The following MEF2A variants were observed in gnomAD, a reference collection of about 807,000 sequenced individuals.
MEF2A encodes myocyte enhancer factor 2A.
MEF2A carries 28 observed loss-of-function variants against 55.8 expected under a neutral mutation model. That is an observed-to-expected ratio of 0.50 (90% CI 0.37 to 0.69). MEF2A has a LOEUF of 0.69. Ranked by LOEUF, MEF2A falls within the 30% of genes least tolerant of loss-of-function variation. The pLI, the probability that MEF2A is intolerant of heterozygous loss-of-function variation, is 0.00. For missense variants in MEF2A, 528 were observed against 626.2 expected (o/e 0.84, Z 1.67); for synonymous variants, 239 against 227.1 (o/e 1.05, Z -0.47).
rs55855939 is a variant in MEF2A at position 99,666,578 on chromosome 15, TATAATA to T, written c.259-4716_259-4711del. Among the ~76,000 whole-genome samples, 884 of 141,252 alleles carry T rather than the reference TATAATA, an allele frequency of 6.3e-3. 6 individuals carry two copies. Among genetic ancestry groups the T allele is most frequent in the African/African-American group, 0.013 (493 of 39,054 alleles). The allele number at this position is 141,252 out of a possible 152,430, so 92.7% of individuals were successfully genotyped here. A position where few individuals can be genotyped will look rare whatever the true frequency, so the allele number is the denominator to read the frequency against. On this transcript the variant is annotated intron_variant, in intron 4 of 11. Coordinates refer to ENST00000557942, the MANE Select transcript of MEF2A (RefSeq NM_001319206.4). Reference sequence around the variant, plus strand: ...TGCACATGTATCCCAGAACTTAAAGTATAATAATAATAATAATAATAATAATAATAA... The same window carrying T: ...TGCACATGTATCCCAGAACTTAAAGTATAATAATAATAATAATAATAATAA...
At chr15:99,669,150 A>G (rs1008107740) in intron 4 of MEF2A, among the ~76,000 whole-genome samples, 1 of 152,250 alleles carries the variant, frequency 6.6e-6, no homozygotes, top group African/African-American at 2.4e-5. Context: ...AAATGTGGTC[A>G]AAGAGATATA....
intron 8 of MEF2A, 142 bp from the exon 9 acceptor site, chr15:99,703,220 T>C: frequency 1.5e-6 from 1 of 658,096 alleles, no homozygotes; most frequent in South Asian, 1.9e-5. Context: ...AATTTATATT[T>C]CTATCTGTTG....
intron 8 of MEF2A, among the ~76,000 whole-genome samples, chr15:99,701,006 C>T (rs990944128): frequency 6.6e-6 from 1 of 152,172 alleles, no homozygotes; most frequent in Non-Finnish European, 1.5e-5. Context: ...TAGAACACCA[C>T]AGTACAATGG....
chr15:99,613,648 A>G (rs1217681420), intron 2 of MEF2A, among the ~76,000 whole-genome samples: 2 of 152,198 alleles, frequency 1.3e-5, no homozygotes, highest in East Asian at 3.8e-4. Flanking sequence ...CCTGGAAGGC[A>G]GGGAAAGGTT....
chr15:99,693,814 A>G (rs2055958532), intron 8 of MEF2A, among the ~76,000 whole-genome samples: 1 of 152,250 alleles, frequency 6.6e-6, no homozygotes, highest in African/African-American at 2.4e-5. Flanking sequence ...TGGAAATGGA[A>G]TAAATGAAGA....
At chr15:99,669,507 A>T (rs2050436204) in intron 4 of MEF2A, among the ~76,000 whole-genome samples, 1 of 152,218 alleles carries the variant, frequency 6.6e-6, no homozygotes. Context: ...CAACAACAGG[A>T]CCTTTTATGG....
At chr15:99,569,196 A>G (rs997655895) in intron 1 of MEF2A, among the ~76,000 whole-genome samples, 1 of 152,234 alleles carries the variant, frequency 6.6e-6, no homozygotes, top group Non-Finnish European at 1.5e-5. Context: ...ATGAGATAGA[A>G]TTACACTACC....
At chr15:99,616,114 A>G (rs1431938544) in intron 2 of MEF2A, among the ~76,000 whole-genome samples, 1 of 152,228 alleles carries the variant, frequency 6.6e-6, no homozygotes, top group Non-Finnish European at 1.5e-5. Flanking sequence ...ATTAGATCTC[A>G]ATGTTTAAAA....
At chr15:99,634,918 T>G (rs1469883480) in intron 3 of MEF2A, among the ~76,000 whole-genome samples, 1 of 152,224 alleles carries the variant, frequency 6.6e-6, no homozygotes, top group Non-Finnish European at 1.5e-5. Context: ...CAGGTTAAAT[T>G]AGACACAGAA....
At chr15:99,635,364 G>A (rs2043606865) in intron 3 of MEF2A, among the ~76,000 whole-genome samples, 2 of 152,196 alleles carry the variant, frequency 1.3e-5, no homozygotes, top group African/African-American at 4.8e-5. Context: ...CAGTATCATA[G>A]ACTTAAAGAG....
intron 5 of MEF2A, among the ~76,000 whole-genome samples, chr15:99,672,884 T>C (rs2051149879): frequency 6.6e-6 from 1 of 152,228 alleles, no homozygotes; most frequent in African/African-American, 2.4e-5. Context: ...AAAGCAAAGA[T>C]GTCTCTGTCT....
rs573161239 is a variant in MEF2A at position 99,665,710 on chromosome 15, T to A, written c.259-5613T>A. On this transcript the variant is annotated intron_variant, in intron 4 of 11. Transcript: ENST00000557942. ...TCTGACAAAGGGTTAATATCCGGAATCTACAAAGAACTTAAATTTACAAAA... is the reference window on the plus strand; with the variant it reads ...TCTGACAAAGGGTTAATATCCGGAAACTACAAAGAACTTAAATTTACAAAA... 1.4e-4 allele frequency among the ~76,000 whole-genome samples: 12 copies of A among 84,338 alleles called. No homozygotes were observed. The East Asian group carries it at 4.2e-3, about 30-fold the overall frequency. The allele number at this position is 84,338 out of a possible 152,430, so 55.3% of individuals were successfully genotyped here. A position where few individuals can be genotyped will look rare whatever the true frequency, so the allele number is the denominator to read the frequency against.
At chr15:99,650,760 A>T (rs906714616) in intron 4 of MEF2A, among the ~76,000 whole-genome samples, 1 of 152,224 alleles carries the variant, frequency 6.6e-6, no homozygotes, top group African/African-American at 2.4e-5. Flanking sequence ...AGAGTACCTT[A>T]TTTAAAATCA....
chr15:99,603,252 C>G (rs1294828309), intron 2 of MEF2A, among the ~76,000 whole-genome samples: 1 of 152,008 alleles, frequency 6.6e-6, no homozygotes, highest in African/African-American at 2.4e-5. Context: ...AGATTTCTTT[C>G]TCTTACAGGT....
Position 99,712,204 on chromosome 15 carries a change from C to T in MEF2A, c.1137-186C>T, listed in dbSNP as rs957340073. 6.6e-6 allele frequency among the ~76,000 whole-genome samples: 1 copy of T among 152,148 alleles called. No individual in the cohort carries two copies. Among genetic ancestry groups the T allele is most frequent in the Admixed American group, 6.6e-5 (1 of 15,256 alleles). On this transcript the variant is annotated intron_variant, in intron 11 of 11. Coordinates refer to ENST00000557942, the MANE Select transcript of MEF2A (RefSeq NM_001319206.4). This position sits in a 1 kb window ranked among gnomAD's most constrained non-coding sequence, Gnocchi z 4.1. ...GGGCTCAACGGTACTGTTTTCTTTC[C>T]TCCTAGGAAGATGGGATTTCCTTTT...
intron 8 of MEF2A, chr15:99,690,682 T>G (rs1261301707): frequency 1.7e-6 from 1 of 573,676 alleles, no homozygotes; most frequent in East Asian, 3.9e-5. Flanking sequence ...GGTTATTGTG[T>G]TAAGTGAAAT....
At chr15:99,570,837 G>A (rs1004060561) in intron 1 of MEF2A, among the ~76,000 whole-genome samples, 5 of 151,762 alleles carry the variant, frequency 3.3e-5, no homozygotes, top group East Asian at 1.9e-4. Context: ...TTTTGAAGGC[G>A]TATGAGATCA....
intron 10 of MEF2A, among the ~76,000 whole-genome samples, 171 bp from the exon 11 acceptor site, chr15:99,710,463 A>G (rs1043759699): frequency 6.6e-6 from 1 of 152,190 alleles, no homozygotes; most frequent in Admixed American, 6.5e-5. Context: ...GGCTGGTCTC[A>G]AACTCCTGAC....
At chr15:99,577,760 G>C (rs2152811382) in intron 1 of MEF2A, among the ~76,000 whole-genome samples, 1 of 152,218 alleles carries the variant, frequency 6.6e-6, no homozygotes, top group East Asian at 1.9e-4. Flanking sequence ...CCTGAAATCT[G>C]TGATATTAAC....
Sources: gnomAD v4.1 joint callset for allele counts (sites outside exome capture counted in the v4.1 genomes callset) on GRCh38, gnomAD v4.1.1 for gene constraint, Gnocchi (gnomAD v3.1) non-coding constraint, MANE v1.5 for transcripts, NCBI Gene and HGNC (gene_info 2026-07-23, HGNC 2026-07-21) for gene names.